Variants in BICD2 observed in about 807,000 individuals in gnomAD.
BICD2 encodes the protein BICD cargo adaptor 2.
BICD2 carries 25 observed loss-of-function variants against 72.9 expected under a neutral mutation model. The ratio of observed to expected loss-of-function variants is 0.34; its 90% CI spans 0.25 to 0.48. The LOEUF (loss-of-function observed/expected upper bound fraction) is 0.48. Ranked by LOEUF, BICD2 falls within the 20% of genes least tolerant of loss-of-function variation. The probability of loss-of-function intolerance (pLI) is 0.99; values close to 1 mark genes in which losing one functional copy is unlikely to be tolerated. For missense variants in BICD2, 894 were observed against 1,175.2 expected (o/e 0.76, Z 3.50); for synonymous variants, 501 against 516.1 (o/e 0.97, Z 0.40).
intron 1 of BICD2, among the ~76,000 whole-genome samples, chr9:92,749,980 G>C (rs759806871): frequency 3.3e-5 from 5 of 152,268 alleles, no homozygotes; most frequent in African/African-American, 4.8e-5. Context: ...AGCCACAGGA[G>C]AGCATGGCTG....
intron 1 of BICD2, among the ~76,000 whole-genome samples, chr9:92,737,612 G>A (rs1853815456): frequency 2.6e-5 from 4 of 152,212 alleles, no homozygotes; most frequent in Admixed American, 2.6e-4. Context: ...TGAAGGAAGA[G>A]TAAAAGATTA....
intron 1 of BICD2, among the ~76,000 whole-genome samples, chr9:92,734,789 C>G (rs1376897442): frequency 1.3e-5 from 2 of 152,176 alleles, no homozygotes; most frequent in African/African-American, 4.8e-5. Flanking sequence ...GGGTATGATC[C>G]CCTGCCCACC....
intron 1 of BICD2, among the ~76,000 whole-genome samples, chr9:92,757,812 C>T (rs1158141625): frequency 6.6e-6 from 1 of 152,228 alleles, no homozygotes; most frequent in Non-Finnish European, 1.5e-5. Flanking sequence ...GCCACAGCTG[C>T]AAACTGCAGG....
rs1421594446 is a variant in BICD2 at position 92,729,119 on chromosome 9, C to G, written c.358G>C (p.Glu120Gln). 6.2e-7 allele frequency: 1 copy of G among 1,614,262 alleles called. No individual in the cohort carries two copies. Among genetic ancestry groups the G allele is most frequent in the Admixed American group, 1.7e-5 (1 of 60,034 alleles). ...KEQYYVRKVL[E>Q]LQTELKQLRN... ...AACTGCTTCAGCTCCGTCTGCAGCT[C>G]TAGCACCTTCCGCACGTAGTACTGC... Residue 120 changes from glutamate to glutamine, a missense_variant, in exon 2 of 7, where the codon GAG (glutamate) becomes CAG (glutamine). Physicochemically the swap from Glu to Gln is conservative, Grantham distance 29 (BLOSUM62 2). Around this residue, in one of 5 missense-constraint regions of BICD2, gnomAD observed 192 missense variants for 243.6 expected, o/e 0.79. Transcript: ENST00000356884.
chr9:92,735,671 G>T (rs763578805), intron 1 of BICD2, among the ~76,000 whole-genome samples: 1 of 151,854 alleles, frequency 6.6e-6, no homozygotes, highest in Non-Finnish European at 1.5e-5. Context: ...CAGGCCTGGG[G>T]GCCTGTGAAG....
At chr9:92,728,746 C>A (rs1272164167) in intron 2 of BICD2, among the ~76,000 whole-genome samples, 1 of 152,270 alleles carries the variant, frequency 6.6e-6, no homozygotes, top group Non-Finnish European at 1.5e-5. Context: ...TGACTGACCA[C>A]TCCTCTGCTC....
chr9:92,729,134 C>A lies in BICD2; in HGVS notation c.343G>T (p.Val115Leu). ...QESASKEQYYVRKVLELQTEL... is the reference protein window; with the variant it reads ...QESASKEQYYLRKVLELQTEL... ...GTCTGCAGCTCTAGCACCTTCCGCACGTAGTACTGCTCCTTGGAGGCCGAC... is the reference window on the plus strand; with the variant it reads ...GTCTGCAGCTCTAGCACCTTCCGCAAGTAGTACTGCTCCTTGGAGGCCGAC... Residue 115 changes from valine (V) to leucine (L), a missense_variant, in exon 2 of 7, where the codon GTG (valine) becomes TTG (leucine). Val to Leu is a conservative substitution (Grantham distance 32). Around this residue, in one of 5 missense-constraint regions of BICD2, gnomAD observed 192 missense variants for 243.6 expected, o/e 0.79. Coordinates refer to ENST00000356884, the MANE Select transcript of BICD2 (RefSeq NM_001003800.2). 8 of 1,614,274 alleles carry A rather than the reference C, an allele frequency of 5.0e-6. No individual in the cohort carries two copies. Among genetic ancestry groups the A allele is most frequent in the South Asian group, 1.1e-5 (1 of 91,092 alleles).
chr9:92,736,046 G>C (rs1853781562), intron 1 of BICD2, among the ~76,000 whole-genome samples: 1 of 152,256 alleles, frequency 6.6e-6, no homozygotes, highest in Non-Finnish European at 1.5e-5. Context: ...ATCTTGAATA[G>C]GGACTGGGTA....
chr9:92,761,978 A>C (rs553465390), intron 1 of BICD2, among the ~76,000 whole-genome samples: 7 of 152,286 alleles, frequency 4.6e-5, no homozygotes, highest in Non-Finnish European at 8.8e-5. Flanking sequence ...ACTGTCTCCC[A>C]TTCATCACCA....
At position 92,758,525 on chromosome 9, in the gene BICD2, C is replaced by G. The variant is rs921217445; in HGVS notation, c.240+5980G>C. Among the ~76,000 whole-genome samples, 8 of 124,786 alleles carry G rather than the reference C, an allele frequency of 6.4e-5. No homozygotes were observed. In the Admixed American group the frequency reaches 8.3e-4, roughly 13 times the overall value. 81.9% of individuals were successfully genotyped at this position (124,786 alleles called of 152,430 possible). A position where few individuals can be genotyped will look rare whatever the true frequency, so the allele number is the denominator to read the frequency against. ...CAAGATCGAGCTACTGTACTCCAGC[C>G]TGGGCAACATAACAAGACTCCGTCT... On this transcript the variant is annotated intron_variant, in intron 1 of 6. Coordinates refer to ENST00000356884, the MANE Select transcript of BICD2 (RefSeq NM_001003800.2).
chr9:92,743,940 AC>A (rs1269999993), intron 1 of BICD2, among the ~76,000 whole-genome samples: 1 of 152,238 alleles, frequency 6.6e-6, no homozygotes, highest in African/African-American at 2.4e-5. Context: ...AGCTACTGTG[AC>A]ATACTGATCA....
Position 92,722,810 on chromosome 9 carries a change from T to TGTTG in BICD2, c.454-6_454-3dup. The TGTTG allele has an allele frequency of 6.2e-7, 1 of 1,614,078 alleles. No homozygotes were observed. The highest frequency in any genetic ancestry group is 2.2e-5 in the East Asian group (1 of 44,878). On this transcript the variant is annotated splice_polypyrimidine_tract_variant and splice_region_variant and intron_variant, in intron 2 of 6. Transcript: ENST00000356884. The stretch of plus-strand genomic sequence containing the variant: ...CTGGATCTCCACATTCTGGTTGATC[T>TGTTG]GTTGGGGGAGAGGGAAAGGCAGGTA...
At chr9:92,722,566 C>G in intron 3 of BICD2, 90 bp downstream of exon 3, 2 of 1,555,742 alleles carry the variant, frequency 1.3e-6, no homozygotes, top group Non-Finnish European at 1.8e-6. Flanking sequence ...AGACAGGAAC[C>G]CCTTCCCAAC....
chr9:92,735,492 G>A (rs553566241), intron 1 of BICD2, among the ~76,000 whole-genome samples: 1 of 152,080 alleles, frequency 6.6e-6, no homozygotes, highest in African/African-American at 2.4e-5. Flanking sequence ...ATGGGGGCAG[G>A]AGGTCCCAGG....
chr9:92,744,249 G>A (rs1157592816), intron 1 of BICD2, among the ~76,000 whole-genome samples: 2 of 152,202 alleles, frequency 1.3e-5, no homozygotes, highest in African/African-American at 2.4e-5. Flanking sequence ...GCAGCAATGA[G>A]GACCAGTCTC....
At chr9:92,758,041 T>C (rs1854296808) in intron 1 of BICD2, among the ~76,000 whole-genome samples, 10 of 151,602 alleles carry the variant, frequency 6.6e-5, no homozygotes, top group Admixed American at 6.6e-4. Flanking sequence ...TCATCTCTAC[T>C]AAAAATACAA....
chr9:92,753,072 C>T (rs952949507), intron 1 of BICD2, among the ~76,000 whole-genome samples: 1 of 152,230 alleles, frequency 6.6e-6, no homozygotes, highest in Non-Finnish European at 1.5e-5. Context: ...GCATTTACTT[C>T]TGTGATCTTC....
At chr9:92,758,539 A>G (rs1447813333) in intron 1 of BICD2, among the ~76,000 whole-genome samples, 12 of 117,594 alleles carry the variant, frequency 1.0e-4, no homozygotes, top group East Asian at 2.7e-4. Flanking sequence ...GCAACATAAC[A>G]AGACTCCGTC....
At chr9:92,716,040 T>G (rs1037865124) in intron 6 of BICD2, among the ~76,000 whole-genome samples, 24 of 151,942 alleles carry the variant, frequency 1.6e-4, no homozygotes, top group South Asian at 1.5e-3. Context: ...TGTGGGAGGG[T>G]GTGGTCTGTC....
Sources: gnomAD v4.1 joint callset for allele counts (sites outside exome capture counted in the v4.1 genomes callset) on GRCh38, gnomAD v4.1.1 for gene constraint, gnomAD v4.1.1 regional missense constraint, MANE v1.5 for transcripts, NCBI Gene and HGNC (gene_info 2026-07-23, HGNC 2026-07-21) for gene names.